The following NBAS variants were observed in gnomAD, a reference collection of about 807,000 sequenced individuals.
The protein encoded by NBAS is NAG/BC035112 fusion.
In NBAS, 219 loss-of-function variants were observed where a neutral mutation model predicts 302.5. The observed-to-expected ratio is 0.72, with a 90% CI of 0.65 to 0.81. The LOEUF (loss-of-function observed/expected upper bound fraction) is 0.81, where lower values mean the gene tolerates loss of function less well. Ranked by LOEUF, NBAS falls within the 30% of genes least tolerant of loss-of-function variation. The probability of loss-of-function intolerance (pLI) is 0.00; values close to 1 mark genes in which losing one functional copy is unlikely to be tolerated. For synonymous variants in NBAS, 1,118 were observed against 1,021.6 expected, an observed-to-expected ratio of 1.09 and a Z score of -1.80; for missense variants, 2,932 against 2,841.6, an observed-to-expected ratio of 1.03 and a Z score of -0.72.
the NBAS span, among the ~76,000 whole-genome samples, chr2:15,075,759 A>C: frequency 1.5e-5 from 2 of 136,480 alleles, no homozygotes; most frequent in African/African-American, 3.1e-5. Flanking sequence ...CCCAAAATTT[A>C]TACACACACA....
intron 30 of NBAS, among the ~76,000 whole-genome samples, chr2:15,377,853 T>C (rs1289623507): frequency 1.3e-5 from 2 of 152,208 alleles, no homozygotes; most frequent in African/African-American, 4.8e-5. Flanking sequence ...TAAAACTATA[T>C]ACAGGTATAA....
intron 44 of NBAS, among the ~76,000 whole-genome samples, chr2:15,258,968 C>T (rs559702933): frequency 1.3e-5 from 2 of 152,222 alleles, no homozygotes; most frequent in South Asian, 4.1e-4. Flanking sequence ...CCCTAGCGGC[C>T]CAGCTGTAAA....
the NBAS span, among the ~76,000 whole-genome samples, chr2:14,949,918 G>T: frequency 2.6e-5 from 4 of 152,174 alleles, no homozygotes; most frequent in African/African-American, 9.7e-5. Flanking sequence ...AAAAGGAAGA[G>T]AAGTTGATTA....
intron 35 of NBAS, among the ~76,000 whole-genome samples, chr2:15,349,160 T>C (rs1673234079): frequency 6.6e-6 from 1 of 152,174 alleles, no homozygotes; most frequent in Non-Finnish European, 1.5e-5. Flanking sequence ...GGGATGATGC[T>C]GGAGGCAGGC....
chr2:15,351,086 GTCAA>G (rs1048585825), intron 35 of NBAS, among the ~76,000 whole-genome samples: 14 of 152,040 alleles, frequency 9.2e-5, no homozygotes, highest in African/African-American at 2.9e-4. Flanking sequence ...ACAAACCAAG[GTCAA>G]TCAGTGTTCA....
At chr2:14,805,839 C>G in the NBAS span, among the ~76,000 whole-genome samples, 3 of 152,134 alleles carry the variant, frequency 2.0e-5, no homozygotes, top group Admixed American at 6.6e-5. Context: ...TTCAGTGCAC[C>G]TCTACTTTCA....
chr2:15,141,618 T>C, the NBAS span, among the ~76,000 whole-genome samples: 1 of 152,246 alleles, frequency 6.6e-6, no homozygotes, highest in Non-Finnish European at 1.5e-5. Flanking sequence ...AGACTCATTT[T>C]GATACAAAAC....
At chr2:15,348,241 T>C (rs924269616) in intron 35 of NBAS, among the ~76,000 whole-genome samples, 11 of 152,144 alleles carry the variant, frequency 7.2e-5, no homozygotes, top group African/African-American at 2.7e-4. Context: ...TCTATTACAA[T>C]TTGCTGAAAG....
chr2:15,143,256 CAAG>C, the NBAS span, among the ~76,000 whole-genome samples: 2 of 152,160 alleles, frequency 1.3e-5, no homozygotes, highest in Non-Finnish European at 2.9e-5. Flanking sequence ...CTTTTACAAA[CAAG>C]AATTAGAGGC....
At chr2:15,141,483 T>C in the NBAS span, among the ~76,000 whole-genome samples, 3 of 152,178 alleles carry the variant, frequency 2.0e-5, no homozygotes, top group Non-Finnish European at 4.4e-5. Context: ...AGAGCCCTTT[T>C]CTCTTGATCT....
At chr2:14,873,074 C>A in the NBAS span, among the ~76,000 whole-genome samples, 1 of 152,226 alleles carries the variant, frequency 6.6e-6, no homozygotes, top group African/African-American at 2.4e-5. Context: ...CTCGGGTGGA[C>A]TGCGTTTATT....
chr2:14,790,768 C>A, the NBAS span, among the ~76,000 whole-genome samples: 3 of 152,022 alleles, frequency 2.0e-5, no homozygotes, highest in East Asian at 5.8e-4. Context: ...TCTCCTGCCC[C>A]AGCCTACTGA....
intron 44 of NBAS, among the ~76,000 whole-genome samples, chr2:15,250,903 TTCC>T (rs1453347464): frequency 1.3e-5 from 2 of 152,202 alleles, no homozygotes; most frequent in African/African-American, 4.8e-5. Flanking sequence ...AGTGTGGCAA[TTCC>T]TCAAGGATCT....
At chr2:15,048,649 C>G in the NBAS span, among the ~76,000 whole-genome samples, 3 of 152,188 alleles carry the variant, frequency 2.0e-5, no homozygotes, top group Non-Finnish European at 4.4e-5. Flanking sequence ...CAGGCTGCAG[C>G]CACTGTCCTG....
the NBAS span, among the ~76,000 whole-genome samples, chr2:14,848,612 C>T: frequency 2.9e-5 from 4 of 140,078 alleles, no homozygotes; most frequent in Admixed American, 2.7e-4. Context: ...GTAGGCTCCA[C>T]CTCTGGGGGC....
At chr2:14,955,319 C>T in the NBAS span, among the ~76,000 whole-genome samples, 1 of 152,200 alleles carries the variant, frequency 6.6e-6, no homozygotes, top group Non-Finnish European at 1.5e-5. Flanking sequence ...TACAGCCCAC[C>T]TCCCAGCTGC....
chr2:15,118,609 C>T, the NBAS span, among the ~76,000 whole-genome samples: 10 of 152,286 alleles, frequency 6.6e-5, no homozygotes, highest in African/African-American at 2.4e-4. Flanking sequence ...AGCCTCTATG[C>T]ATGAAGTCTG....
chr2:15,008,835 C>T, the NBAS span, among the ~76,000 whole-genome samples: 1,867 of 152,260 alleles, frequency 0.012, 53 homozygotes, highest in East Asian at 0.089. Context: ...TTTAAAAACA[C>T]TTATATGGGT....
At chr2:15,363,089 A>C (rs1558272098) in intron 32 of NBAS, among the ~76,000 whole-genome samples, 1 of 152,200 alleles carries the variant, frequency 6.6e-6, no homozygotes, top group Non-Finnish European at 1.5e-5. Context: ...AGTCAGAAAA[A>C]AAAGAAAGAG....
Sources: allele counts gnomAD v4.1 joint callset (sites outside exome capture counted in the v4.1 genomes callset), GRCh38; gene constraint gnomAD v4.1.1; transcripts MANE v1.5; gene names NCBI Gene and HGNC (gene_info 2026-07-23, HGNC 2026-07-21).